The following PLCE1 variants were observed in gnomAD, a reference collection of about 807,000 sequenced individuals.
PLCE1 encodes phospholipase C epsilon 1, also known as 1-phosphatidylinositol 4,5-bisphosphate phosphodiesterase epsilon-1.
In PLCE1, 119 loss-of-function variants were observed where a neutral mutation model predicts 242.8. That is an observed-to-expected ratio of 0.49 (90% CI 0.42 to 0.57). The LOEUF is 0.57. PLCE1 is among the 20% of genes least tolerant of loss of function. PLCE1 has a pLI of 0.00. For synonymous variants in PLCE1, 945 were observed against 1,017.4 expected (o/e 0.93, Z 1.35); for missense variants, 2,441 against 2,788.8 (o/e 0.88, Z 2.81).
chr10:94,314,394 T>C lies in PLCE1; in HGVS notation c.6132+1012T>C, dbSNP rs372878571. Among the ~76,000 whole-genome samples the C allele has an allele frequency of 3.3e-5, 5 of 152,236 alleles. No individual in the cohort carries two copies. The East Asian group carries it at 9.7e-4, about 29-fold the overall frequency. Reference sequence around the variant, plus strand: ...GCAGGCGGATCACGAGGTCAAGAGATGGAGATAATCCTGGCCAACATGGTG... The same window carrying C: ...GCAGGCGGATCACGAGGTCAAGAGACGGAGATAATCCTGGCCAACATGGTG... On this transcript the variant is annotated intron_variant, in intron 28 of 32. Transcript: ENST00000371380.
At chr10:94,253,368 C>G (rs1402720684) in intron 9 of PLCE1, among the ~76,000 whole-genome samples, 1 of 151,570 alleles carries the variant, frequency 6.6e-6, no homozygotes. Flanking sequence ...TTTTTTTTCT[C>G]TTAGAAACAG....
At chr10:94,232,952 A>G (rs1489771586) in intron 5 of PLCE1, among the ~76,000 whole-genome samples, 9 of 152,186 alleles carry the variant, frequency 5.9e-5, no homozygotes, top group Non-Finnish European at 1.3e-4. Context: ...GTCCCCAGGG[A>G]ATTCACTTAC....
intron 2 of PLCE1, among the ~76,000 whole-genome samples, chr10:94,060,339 T>C (rs1458905273): frequency 6.6e-6 from 1 of 152,192 alleles, no homozygotes; most frequent in Non-Finnish European, 1.5e-5. Context: ...TTAGGAATAC[T>C]ATTTTTATTA....
intron 22 of PLCE1, among the ~76,000 whole-genome samples, chr10:94,288,404 G>A (rs1213077246): frequency 6.6e-6 from 1 of 152,128 alleles, no homozygotes; most frequent in Non-Finnish European, 1.5e-5. Flanking sequence ...TTTGTGATTT[G>A]GCCAAGGCAA....
rs775087582 is a variant in PLCE1 at position 94,306,379 on chromosome 10, CT to C, written c.5623-42del. On this transcript the variant is annotated intron_variant, in intron 25 of 32. Transcript: ENST00000371380. The surrounding 1 kb of genome is among the most constrained non-coding windows in gnomAD (Gnocchi z 5.7). ...GCAGTGAGGTGCAGAGGTTGTCTTT[CT>C]TTTTTATCCTCGGTGACTTTGATCC... 1 of 1,613,960 alleles carries C rather than the reference CT, an allele frequency of 6.2e-7. No individual in the cohort carries two copies. The highest frequency in any genetic ancestry group is 8.5e-7 in the Non-Finnish European group (1 of 1,179,930).
intron 2 of PLCE1, among the ~76,000 whole-genome samples, chr10:94,068,295 C>G (rs757124307): frequency 5.9e-5 from 9 of 152,210 alleles, no homozygotes. Flanking sequence ...TCCCATCATA[C>G]TCCACGCTTC....
intron 19 of PLCE1, among the ~76,000 whole-genome samples, chr10:94,276,226 C>T (rs938689820): frequency 1.3e-5 from 2 of 152,168 alleles, no homozygotes; most frequent in African/African-American, 4.8e-5. Context: ...TCTCTTGTAG[C>T]CTGCATTTCC....
intron 2 of PLCE1, among the ~76,000 whole-genome samples, chr10:94,067,907 G>A (rs1040394147): frequency 1.3e-5 from 2 of 152,140 alleles, no homozygotes; most frequent in African/African-American, 4.8e-5. Context: ...GAGGAGTATG[G>A]GTCTTGGGGA....
At chr10:94,077,361 A>G (rs916108521) in intron 2 of PLCE1, among the ~76,000 whole-genome samples, 1 of 152,246 alleles carries the variant, frequency 6.6e-6, no homozygotes, top group Non-Finnish European at 1.5e-5. Context: ...CCTAATATTT[A>G]GTACTGAGGT....
Position 94,298,256 on chromosome 10 carries a change from C to T in PLCE1, c.5168-123C>T. The T allele has an allele frequency of 2.3e-6, 2 of 852,590 alleles. No homozygotes were observed. The highest frequency in any genetic ancestry group is 1.6e-5 in the South Asian group (1 of 62,772). The allele number at this position is 852,590 out of a possible 1,614,324, so 52.8% of individuals were successfully genotyped here. ...GGCGAACTAACTCACAAGTAAAATC[C>T]AAGAGGTATTCTGATGTGGTTTATA... On this transcript the variant is annotated intron_variant, in intron 23 of 32. Coordinates refer to ENST00000371380, the MANE Select transcript of PLCE1 (RefSeq NM_016341.4). This position sits in a 1 kb window ranked among gnomAD's most constrained non-coding sequence, Gnocchi z 5.2.
At chr10:94,122,680 G>T (rs542355556) in intron 2 of PLCE1, among the ~76,000 whole-genome samples, 1 of 152,306 alleles carries the variant, frequency 6.6e-6, no homozygotes, top group Admixed American at 6.5e-5. Flanking sequence ...GAAGGGAGAT[G>T]ATAGGGACGT....
chr10:94,253,575 G>A (rs117590988), intron 9 of PLCE1, among the ~76,000 whole-genome samples: 3 of 152,054 alleles, frequency 2.0e-5, no homozygotes, highest in East Asian at 3.9e-4. Context: ...GGCTGGTCTC[G>A]AACTCCAGGC....
chr10:94,054,357 A>G lies in PLCE1; in HGVS notation c.1206+22105A>G, dbSNP rs111636769. Among the ~76,000 whole-genome samples the G allele has an allele frequency of 2.0e-3, 307 of 152,294 alleles. 2 individuals carry two copies. The highest frequency in any genetic ancestry group is 3.2e-3 in the African/African-American group (131 of 41,566). ...CATGTGCCTGAATTTTGGCCACTGGAATATGGAAAGAAGTGAAGTACACCA... is the reference window on the plus strand; with the variant it reads ...CATGTGCCTGAATTTTGGCCACTGGGATATGGAAAGAAGTGAAGTACACCA... On this transcript the variant is annotated intron_variant, in intron 2 of 32. Coordinates refer to ENST00000371380, the MANE Select transcript of PLCE1 (RefSeq NM_016341.4).
At chr10:94,296,263 G>T (rs1366483271) in intron 23 of PLCE1, among the ~76,000 whole-genome samples, 1 of 151,848 alleles carries the variant, frequency 6.6e-6, no homozygotes, top group Non-Finnish European at 1.5e-5. Context: ...CTACTCAGGA[G>T]GCTGAGGCAG....
chr10:94,156,149 A>G (rs747993196), intron 3 of PLCE1, among the ~76,000 whole-genome samples: 1 of 152,178 alleles, frequency 6.6e-6, no homozygotes, highest in Non-Finnish European at 1.5e-5. Context: ...TACACTCACA[A>G]CACTTCTGAC....
chr10:94,076,768 G>T (rs1243871235), intron 2 of PLCE1, among the ~76,000 whole-genome samples: 2 of 152,240 alleles, frequency 1.3e-5, no homozygotes, highest in East Asian at 3.9e-4. Context: ...GGCAGCCGTG[G>T]GTGTCCCATG....
chr10:94,216,593 T>C (rs2049537873), intron 4 of PLCE1, among the ~76,000 whole-genome samples: 1 of 152,190 alleles, frequency 6.6e-6, no homozygotes, highest in South Asian at 2.1e-4. Flanking sequence ...CTGCCTGGGA[T>C]ACCTAGCTGT....
At chr10:94,124,129 C>T (rs2135807019) in intron 2 of PLCE1, among the ~76,000 whole-genome samples, 1 of 152,180 alleles carries the variant, frequency 6.6e-6, no homozygotes, top group African/African-American at 2.4e-5. Context: ...GGTAAAATCC[C>T]AGCACGCTGG....
At chr10:94,212,969 A>G (rs1290009350) in intron 4 of PLCE1, among the ~76,000 whole-genome samples, 1 of 152,260 alleles carries the variant, frequency 6.6e-6, no homozygotes, top group Non-Finnish European at 1.5e-5. Flanking sequence ...CAGGCCAGTC[A>G]ACAAACAAGA....
Sources: allele counts gnomAD v4.1 joint callset (sites outside exome capture counted in the v4.1 genomes callset), GRCh38; gene constraint gnomAD v4.1.1; non-coding constraint Gnocchi (gnomAD v3.1); transcripts MANE v1.5; gene names NCBI Gene and HGNC (gene_info 2026-07-23, HGNC 2026-07-21).